ADAM7: variants seen among roughly 807,000 people sequenced by gnomAD.
ADAM7 encodes ADAM metallopeptidase domain 7.
A neutral mutation model predicts 102.9 loss-of-function variants in ADAM7; 97 were observed. The observed-to-expected ratio is 0.94, with a 90% CI of 0.80 to 1.12. The LOEUF (loss-of-function observed/expected upper bound fraction) is 1.12. Ranked by LOEUF, ADAM7 falls within the 50% of genes most tolerant of loss-of-function variation. The probability of loss-of-function intolerance (pLI) is 0.00; values close to 1 mark genes in which losing one functional copy is unlikely to be tolerated. For synonymous variants in ADAM7, 334 were observed against 304.4 expected (o/e 1.10, Z -1.01); for missense variants, 991 against 908.7 (o/e 1.09, Z -1.16).
At chr8:24,485,507 T>C (rs906031283) in intron 10 of ADAM7, 146 bp downstream of exon 10, 5 of 619,712 alleles carry the variant, frequency 8.1e-6, no homozygotes, top group Non-Finnish European at 1.3e-5. Flanking sequence ...GCTTCCTTTA[T>C]TAAATGAATA....
intron 16 of ADAM7, among the ~76,000 whole-genome samples, chr8:24,494,516 C>T (rs1383004752): frequency 1.3e-5 from 2 of 152,114 alleles, no homozygotes; most frequent in East Asian, 3.9e-4. Context: ...GTTAGAAAGG[C>T]AGTTGTGAAG....
In ADAM7 at chr8:24,467,318, AT is replaced by A. The variant is rs150576808; in HGVS notation, c.579+339del. 1.9e-3 allele frequency: 645 copies of A among 332,542 alleles called. 2 individuals carry two copies. Among genetic ancestry groups the A allele is most frequent in the African/African-American group, 6.7e-3 (313 of 46,752 alleles). The allele number at this position is 332,542 out of a possible 1,614,324, so 20.6% of individuals were successfully genotyped here. Reference sequence around the variant, plus strand: ...AGTGTCTTTCCTTTTCTTCCCTGCCATTTTTTTTTGCAGAGTTATTGATGAC... The same window carrying A: ...AGTGTCTTTCCTTTTCTTCCCTGCCATTTTTTTTGCAGAGTTATTGATGAC... On this transcript the variant is annotated intron_variant, in intron 6 of 21. Transcript: ENST00000175238.
chr8:24,487,899 A>C lies in ADAM7; in HGVS notation c.1091+582A>C, dbSNP rs141402586. Among the ~76,000 whole-genome samples, 25 of 152,262 alleles carry C rather than the reference A, an allele frequency of 1.6e-4. No individual in the cohort carries two copies. The East Asian group carries it at 4.7e-3, about 28-fold the overall frequency. ...TGAACAATTAGTACCAATTGCTACC[A>C]AGGCAATTAGGGGACAAATAGACTC... is the stretch of plus-strand genomic sequence containing the variant. On this transcript the variant is annotated intron_variant, in intron 11 of 21. Coordinates refer to ENST00000175238, the MANE Select transcript of ADAM7 (RefSeq NM_003817.4).
intron 7 of ADAM7, among the ~76,000 whole-genome samples, chr8:24,470,383 G>A (rs1408126067): frequency 6.6e-6 from 1 of 151,696 alleles, no homozygotes; most frequent in Non-Finnish European, 1.5e-5. Flanking sequence ...TAAAGTGTGA[G>A]TATTAAAACT....
At chr8:24,476,318 T>C in intron 7 of ADAM7, 115 bp from the exon 8 acceptor site, 1 of 709,480 alleles carries the variant, frequency 1.4e-6, no homozygotes, top group South Asian at 2.5e-5. Flanking sequence ...GAGTTCTCTT[T>C]CTTCATTAGG....
chr8:24,479,604 G>A (rs531117326), intron 8 of ADAM7, among the ~76,000 whole-genome samples: 61 of 152,142 alleles, frequency 4.0e-4, no homozygotes, highest in Non-Finnish European at 6.3e-4. Context: ...GGTTGTTGGC[G>A]TCCATGGAGG....
chr8:24,496,369 G>A (rs992007008), intron 16 of ADAM7, among the ~76,000 whole-genome samples: 14 of 151,920 alleles, frequency 9.2e-5, no homozygotes, highest in African/African-American at 2.4e-4. Context: ...ATGTAGGGTC[G>A]GATCCCCCAC....
intron 3 of ADAM7, among the ~76,000 whole-genome samples, chr8:24,453,689 G>T (rs1818889531): frequency 6.6e-6 from 1 of 152,178 alleles, no homozygotes. Context: ...TTCCGTTGCT[G>T]GTGAGGAACT....
intron 16 of ADAM7, 36 bp from the exon 17 acceptor site, chr8:24,499,200 G>A: frequency 6.8e-7 from 1 of 1,473,956 alleles, no homozygotes; most frequent in Non-Finnish European, 9.2e-7. Context: ...TCAATTGTAA[G>A]TCATTTTAAT....
intron 5 of ADAM7, among the ~76,000 whole-genome samples, chr8:24,466,268 T>C (rs1819421490): frequency 6.6e-6 from 1 of 152,208 alleles, no homozygotes; most frequent in Admixed American, 6.5e-5. Flanking sequence ...TAGTTCTCTA[T>C]AGATCATAGG....
chr8:24,504,393 C>T (rs1213683343), intron 20 of ADAM7, among the ~76,000 whole-genome samples: 2 of 151,272 alleles, frequency 1.3e-5, no homozygotes, highest in African/African-American at 4.9e-5. Context: ...CAACAACAAT[C>T]AAGACAAAAC....
intron 3 of ADAM7, among the ~76,000 whole-genome samples, chr8:24,448,324 T>C (rs1168856254): frequency 1.3e-5 from 2 of 152,130 alleles, no homozygotes; most frequent in Admixed American, 1.3e-4. Context: ...TACCCCAGGC[T>C]GCCTAGGCCT....
intron 21 of ADAM7, among the ~76,000 whole-genome samples, chr8:24,508,190 A>G (rs1821013896): frequency 6.6e-6 from 1 of 152,148 alleles, no homozygotes; most frequent in African/African-American, 2.4e-5. Context: ...GAGGTGTAAT[A>G]AGATACACCG....
chr8:24,496,076 G>A (rs911064326), intron 16 of ADAM7, among the ~76,000 whole-genome samples: 19 of 152,194 alleles, frequency 1.2e-4, no homozygotes, highest in Non-Finnish European at 2.1e-4. Context: ...CCCGTGCTGT[G>A]TGCAGTTTAG....
intron 7 of ADAM7, among the ~76,000 whole-genome samples, chr8:24,473,345 G>A (rs1271201633): frequency 6.6e-6 from 1 of 152,050 alleles, no homozygotes; most frequent in African/African-American, 2.4e-5. Flanking sequence ...TCCAATGGCT[G>A]GCTAGTCTAA....
chr8:24,507,749 G>A (rs941119018), intron 21 of ADAM7, among the ~76,000 whole-genome samples: 7 of 151,528 alleles, frequency 4.6e-5, no homozygotes, highest in Admixed American at 3.3e-4. Context: ...CTTTCTAACC[G>A]GACCAAAGGA....
At chr8:24,459,906 T>C (rs575564420) in intron 3 of ADAM7, among the ~76,000 whole-genome samples, 1 of 152,294 alleles carries the variant, frequency 6.6e-6, no homozygotes, top group South Asian at 2.1e-4. Context: ...TTTCTAAGTA[T>C]TTAAAATATT....
chr8:24,470,160 T>C (rs1281855774), intron 7 of ADAM7, among the ~76,000 whole-genome samples: 1 of 152,092 alleles, frequency 6.6e-6, no homozygotes, highest in Admixed American at 6.6e-5. Context: ...TGACTATAAG[T>C]AAATCACAAA....
intron 3 of ADAM7, among the ~76,000 whole-genome samples, chr8:24,457,032 C>A (rs982900438): frequency 1.3e-5 from 2 of 152,132 alleles, no homozygotes; most frequent in African/African-American, 2.4e-5. Flanking sequence ...CTGACAGATT[C>A]TTTTCCAAGG....
Sources: allele counts gnomAD v4.1 joint callset (sites outside exome capture counted in the v4.1 genomes callset), GRCh38; gene constraint gnomAD v4.1.1; transcripts MANE v1.5; gene names NCBI Gene and HGNC (gene_info 2026-07-23, HGNC 2026-07-21).